The following UBAC2 variants were observed in gnomAD, a reference collection of about 807,000 sequenced individuals.
The protein encoded by UBAC2 is UBA domain containing 2.
In UBAC2, 26 loss-of-function variants were observed where a neutral mutation model predicts 44.0. The ratio of observed to expected loss-of-function variants is 0.59; its 90% CI spans 0.43 to 0.82. The LOEUF (loss-of-function observed/expected upper bound fraction) is 0.82, where lower values mean the gene tolerates loss of function less well. UBAC2 is among the 40% of genes least tolerant of loss of function. The pLI is 0.00. For missense variants in UBAC2, 329 were observed against 419.4 expected, an observed-to-expected ratio of 0.78 and a Z score of 1.88; for synonymous variants, 155 against 154.3, an observed-to-expected ratio of 1.00 and a Z score of -0.04.
At chr13:99,377,736 C>G (rs1336005825) in intron 8 of UBAC2, 1 of 152,204 alleles carries the variant, frequency 6.6e-6, no homozygotes, top group East Asian at 1.9e-4. Context: ...CACACCTGGC[C>G]CCGCTGCCCT....
chr13:99,226,986 G>A (rs1314304226), intron 1 of UBAC2, among the ~76,000 whole-genome samples: 1 of 152,136 alleles, frequency 6.6e-6, no homozygotes, highest in African/African-American at 2.4e-5. Context: ...ATCACCTGAG[G>A]CCAGGAGTTC....
At chr13:99,320,630 T>C (rs1019197588) in intron 6 of UBAC2, among the ~76,000 whole-genome samples, 4 of 152,224 alleles carry the variant, frequency 2.6e-5, no homozygotes, top group African/African-American at 9.6e-5. Flanking sequence ...TGGCCAGTTT[T>C]CCTATGTTCC....
intron 4 of UBAC2, among the ~76,000 whole-genome samples, chr13:99,263,200 C>T (rs1037697458): frequency 6.6e-5 from 10 of 152,186 alleles, no homozygotes; most frequent in African/African-American, 2.4e-4. Flanking sequence ...TTATAGCAAA[C>T]AATCTCCTGA....
Position 99,237,265 on chromosome 13 carries a change from T to TACACACAC in UBAC2, c.32-1161_32-1160insCACACACA, listed in dbSNP as rs778879715. On this transcript the variant is annotated intron_variant, in intron 1 of 8. Transcript: ENST00000403766. Reference sequence around the variant, plus strand: ...AGAAAATTTTATGCGTATATATATATATATATACACACACACACACACACA... The same window carrying TACACACAC: ...AGAAAATTTTATGCGTATATATATATACACACACATATATACACACACACACACACACA... Among the ~76,000 whole-genome samples, 1,092 of 114,034 alleles carry TACACACAC rather than the reference T, an allele frequency of 9.6e-3. 7 individuals carry two copies. Among genetic ancestry groups the TACACACAC allele is most frequent in the Non-Finnish European group, 0.012 (600 of 51,536 alleles). 74.8% of individuals were successfully genotyped at this position (114,034 alleles called of 152,430 possible).
At chr13:99,219,509 C>CATAT (rs2043031975) in intron 1 of UBAC2, among the ~76,000 whole-genome samples, 1 of 152,180 alleles carries the variant, frequency 6.6e-6, no homozygotes, top group Non-Finnish European at 1.5e-5. Flanking sequence ...GCCCATGGGC[C>CATAT]ATATGCGACC....
intron 7 of UBAC2, among the ~76,000 whole-genome samples, chr13:99,360,911 G>A (rs920771314): frequency 1.3e-5 from 2 of 152,158 alleles, no homozygotes; most frequent in African/African-American, 2.4e-5. Flanking sequence ...ATGAGACCGC[G>A]TGCCTGGCTC....
chr13:99,211,254 G>A (rs183720163), intron 1 of UBAC2, among the ~76,000 whole-genome samples: 11 of 152,166 alleles, frequency 7.2e-5, no homozygotes, highest in African/African-American at 2.2e-4. Context: ...ATGATTTGTC[G>A]AAGACCACAT....
At chr13:99,318,843 G>T (rs1594122655) in intron 6 of UBAC2, among the ~76,000 whole-genome samples, 1 of 140,420 alleles carries the variant, frequency 7.1e-6, no homozygotes, top group Non-Finnish European at 1.6e-5. Flanking sequence ...AAAAAAAAAG[G>T]CCAGTCACAG....
intron 2 of UBAC2, among the ~76,000 whole-genome samples, chr13:99,238,980 C>G (rs1052111570): frequency 1.3e-5 from 2 of 152,132 alleles, no homozygotes; most frequent in Non-Finnish European, 2.9e-5. Flanking sequence ...GGTGGTTAAA[C>G]GAAGTAAGAA....
intron 1 of UBAC2, among the ~76,000 whole-genome samples, chr13:99,235,105 C>G (rs1282299073): frequency 6.6e-6 from 1 of 152,084 alleles, no homozygotes; most frequent in Non-Finnish European, 1.5e-5. Context: ...GGAAAACTGA[C>G]CTGGGCTCCA....
rs528688032 is a variant in UBAC2, at chr13:99,343,291, T to A, written c.807+2726T>A. 5.9e-5 allele frequency among the ~76,000 whole-genome samples: 9 copies of A among 152,366 alleles called. No homozygotes were observed. The South Asian group carries it at 1.7e-3, about 28-fold the overall frequency. The stretch of plus-strand genomic sequence containing the variant: ...TATGCAAGTGGGATTCTTGGCTGTT[T>A]GCGCACGCCCTCGCTCCAGGATTCT... On this transcript the variant is annotated intron_variant, in intron 7 of 8. Coordinates refer to ENST00000403766, the MANE Select transcript of UBAC2 (RefSeq NM_001144072.2).
intron 3 of UBAC2, 147 bp from the exon 4 acceptor site, chr13:99,244,368 A>AATATATATACACACATATGCATGTGTGT (rs1594040308): frequency 2.3e-6 from 1 of 429,566 alleles, no homozygotes; most frequent in East Asian, 4.3e-5. Flanking sequence ...AATAATTTCA[A>AATATATATACACACATATGCATGTGTGT]ATATATATAC....
intron 4 of UBAC2, among the ~76,000 whole-genome samples, chr13:99,270,649 A>G (rs1459693136): frequency 3.9e-5 from 6 of 152,248 alleles, no homozygotes; most frequent in Admixed American, 2.6e-4. Context: ...ATAGAAATTG[A>G]TGGTTGATGG....
chr13:99,353,957 G>C (rs901265441), intron 7 of UBAC2, among the ~76,000 whole-genome samples: 1 of 152,212 alleles, frequency 6.6e-6, no homozygotes, highest in Non-Finnish European at 1.5e-5. Flanking sequence ...CGTGAGTCAC[G>C]ATCTCCCACC....
At position 99,373,006 on chromosome 13, in the gene UBAC2, C is replaced by T. The variant is rs538353005; in HGVS notation, c.927+5100C>T. 4.0e-5 allele frequency among the ~76,000 whole-genome samples: 6 copies of T among 151,882 alleles called. No homozygotes were observed. The South Asian group carries it at 1.3e-3, about 32-fold the overall frequency. On this transcript the variant is annotated intron_variant, in intron 8 of 8. Coordinates refer to ENST00000403766, the MANE Select transcript of UBAC2 (RefSeq NM_001144072.2). ...ATGGTGACGGGCGCCTGTAGTCCCA[C>T]CTACTTGGGAGGCTGAGGACAGGAG...
intron 4 of UBAC2, among the ~76,000 whole-genome samples, chr13:99,311,898 A>T (rs2044415534): frequency 6.6e-6 from 1 of 152,228 alleles, no homozygotes; most frequent in African/African-American, 2.4e-5. Context: ...AAGTGGGGGT[A>T]GGAACCCGCT....
chr13:99,242,242 G>A (rs1416114291), intron 2 of UBAC2, among the ~76,000 whole-genome samples: 1 of 152,174 alleles, frequency 6.6e-6, no homozygotes, highest in African/African-American at 2.4e-5. Flanking sequence ...CGTTCTCAAT[G>A]AGCTGCTGGG....
intron 7 of UBAC2, among the ~76,000 whole-genome samples, chr13:99,348,500 G>A (rs2045027547): frequency 1.3e-5 from 2 of 152,306 alleles, no homozygotes; most frequent in South Asian, 2.1e-4. Flanking sequence ...GCAAGGAATT[G>A]CATTCGCCTG....
chr13:99,374,698 A>C (rs77654077), intron 8 of UBAC2, among the ~76,000 whole-genome samples: 3,446 of 152,178 alleles, frequency 0.023, 60 homozygotes, highest in Non-Finnish European at 0.036. Flanking sequence ...TCTAATATTT[A>C]TTGGTTTTGA....
Sources: allele counts gnomAD v4.1 joint callset (sites outside exome capture counted in the v4.1 genomes callset), GRCh38; gene constraint gnomAD v4.1.1; transcripts MANE v1.5; gene names NCBI Gene and HGNC (gene_info 2026-07-23, HGNC 2026-07-21).